ANO8: variants seen among roughly 807,000 people sequenced by gnomAD.
ANO8 encodes anoctamin-8.
Under a neutral mutation model 120.4 loss-of-function variants are expected in ANO8, and 67 were observed. The ratio of observed to expected loss-of-function variants is 0.56; its 90% CI spans 0.46 to 0.68. The LOEUF is 0.68. Ranked by LOEUF, ANO8 falls within the 30% of genes least tolerant of loss-of-function variation. ANO8 has a pLI of 0.00. For synonymous variants in ANO8, 727 were observed against 759.2 expected (o/e 0.96, Z 0.70); for missense variants, 1,526 against 1,737.6 (o/e 0.88, Z 2.16).
chr19:17,330,770 C>G (rs1241277012), intron 8 of ANO8, 58 bp downstream of exon 8: 14 of 1,557,034 alleles, frequency 9.0e-6, no homozygotes, highest in Non-Finnish European at 1.2e-5. Flanking sequence ...TCCTGCAGTG[C>G]CCCCCACCAT....
In ANO8 at chr19:17,333,538, G is replaced by A; in HGVS notation, c.234C>T (p.His78=). 1 of 1,612,858 alleles carries A rather than the reference G, an allele frequency of 6.2e-7. No homozygotes were observed. The highest frequency in any genetic ancestry group is 1.3e-5 in the African/African-American group (1 of 75,064). Residue 78 remains histidine, a synonymous_variant, in exon 3 of 18, where the codon CAC becomes CAT. Coordinates refer to ENST00000159087, the MANE Select transcript of ANO8 (RefSeq NM_020959.3). The surrounding 1 kb of genome is among the most constrained non-coding windows in gnomAD (Gnocchi z 7.2). ...LMTFPDTTDD[H]TLLWLLNHIR... The stretch of plus-strand genomic sequence containing the variant: ...TGTGGTTCAGCAGCCATAGCAGCGT[G>A]TGGTCATCGGTCGTGTCTGCCAAGG...
Position 17,323,414 on chromosome 19 carries a change from C to T in ANO8, c.*103G>A, listed in dbSNP as rs2074250657. ...GGCAGATGGGGGGCACCGACCAATA[C>T]TGGGGGCCCTCGGGGGCTGAAGCGC... On this transcript the variant is annotated 3_prime_UTR_variant, in exon 18 of 18. Transcript: ENST00000159087. 1 of 1,206,360 alleles carries T rather than the reference C, an allele frequency of 8.3e-7. No individual in the cohort carries two copies. The highest frequency in any genetic ancestry group is 3.4e-5 in the South Asian group (1 of 29,182). The allele number at this position is 1,206,360 out of a possible 1,614,324, so 74.7% of individuals were successfully genotyped here. A position where few individuals can be genotyped will look rare whatever the true frequency, so the allele number is the denominator to read the frequency against.
chr19:17,331,688 C>G (rs1325606581), intron 5 of ANO8, among the ~76,000 whole-genome samples: 1 of 151,606 alleles, frequency 6.6e-6, no homozygotes, highest in Admixed American at 6.6e-5. Flanking sequence ...ACTCTGTCGC[C>G]CAGGCTGGAG....
intron 17 of ANO8, 89 bp downstream of exon 17, chr19:17,324,628 C>T (rs2074260455): frequency 6.0e-6 from 9 of 1,495,182 alleles, no homozygotes; most frequent in Non-Finnish European, 6.2e-6. Context: ...CTTCCCCTGT[C>T]CCCTTCAGCC....
Position 17,325,236 on chromosome 19 carries a change from C to G in ANO8, c.2812G>C (p.Asp938His). Residue 938 changes from aspartate to histidine, a missense_variant, in exon 17 of 18, where the codon GAC becomes CAC. By Grantham distance (81) the Asp-to-His change is moderately conservative. This residue lies in a region of ANO8 where 489 missense variants were observed against 548.6 expected (regional missense o/e 0.89). Transcript: ENST00000159087. The part of the protein sequence containing the change: ...EEARAEGSGL[D>H]PATSSEKASA... ...GCCTTCTCGGAGGAGGTGGCAGGGT[C>G]CAGCCCAGAGCCCTCGGCCCTCGCC... 2 of 1,611,024 alleles carry G rather than the reference C, an allele frequency of 1.2e-6. No homozygotes were observed. Among genetic ancestry groups the G allele is most frequent in the Non-Finnish European group, 1.7e-6 (2 of 1,179,812 alleles).
chr19:17,327,418 G>A lies in ANO8; in HGVS notation c.2550+20C>T, dbSNP rs748802558. 1.2e-5 allele frequency: 19 copies of A among 1,588,326 alleles called. No individual in the cohort carries two copies. The Admixed American group carries it at 2.0e-4, about 16-fold the overall frequency. On this transcript the variant is annotated intron_variant, in intron 15 of 17. Coordinates refer to ENST00000159087, the MANE Select transcript of ANO8 (RefSeq NM_020959.3). The stretch of plus-strand genomic sequence containing the variant: ...GCCCTCTCGCCTCCCAGCTGCCCCC[G>A]CCCCTGTCGCCGGCCCCACCTCGAG...
At position 17,327,773 on chromosome 19, in the gene ANO8, A is replaced by G; in HGVS notation, c.2334T>C (p.Ile778=). The G allele has an allele frequency of 6.2e-7, 1 of 1,614,154 alleles. No homozygotes were observed. The highest frequency in any genetic ancestry group is 8.5e-7 in the Non-Finnish European group (1 of 1,180,014). The part of the protein sequence containing the change: ...AALCALVNNL[I]EIRSDAFKLC... ...GCTTGAAGGCGTCGCTGCGGATCTC[A>G]ATGAGGTTGTTGACCAGGGCGCACA... Residue 778 remains isoleucine, a synonymous_variant, in exon 14 of 18, where the codon ATT becomes ATC. Transcript: ENST00000159087.
rs768183492 is a variant in ANO8, at chr19:17,329,706, C to T, written c.1404+51G>A. 1.0e-5 allele frequency: 15 copies of T among 1,504,356 alleles called. No individual in the cohort carries two copies. In the South Asian group the frequency reaches 1.5e-4, roughly 15 times the overall value. The allele number at this position is 1,504,356 out of a possible 1,614,324, so 93.2% of individuals were successfully genotyped here. On this transcript the variant is annotated intron_variant, in intron 12 of 17. Coordinates refer to ENST00000159087, the MANE Select transcript of ANO8 (RefSeq NM_020959.3). ...ACCCCTTGTGCCGGGTCTGGCCCCTCGCTGGCCGCCATGGGGGCAGGGGGG... is the reference window on the plus strand; with the variant it reads ...ACCCCTTGTGCCGGGTCTGGCCCCTTGCTGGCCGCCATGGGGGCAGGGGGG...
Position 17,334,607 on chromosome 19 carries a change from G to T in ANO8, c.64C>A (p.Pro22Thr). 1 of 1,539,164 alleles carries T rather than the reference G, an allele frequency of 6.5e-7. No individual in the cohort carries two copies. Among genetic ancestry groups the T allele is most frequent in the East Asian group, 2.6e-5 (1 of 38,654 alleles). The part of the protein sequence containing the change: ...SLEGERGKRP[P>T]PEGEPAAPAS... Reference sequence around the variant, plus strand: ...GGGGCTGCAGGCTCGCCCTCCGGCGGGGGCCTCTTGCCACGCTCGCCCTCC... The same window carrying T: ...GGGGCTGCAGGCTCGCCCTCCGGCGTGGGCCTCTTGCCACGCTCGCCCTCC... Residue 22 changes from proline to threonine, a missense_variant, in exon 1 of 18, where the codon CCG (proline) becomes ACG (threonine). Pro to Thr is a conservative substitution (Grantham distance 38). This residue lies in a region of ANO8 where 53 missense variants were observed against 45.0 expected (regional missense o/e 1.18). Coordinates refer to ENST00000159087, the MANE Select transcript of ANO8 (RefSeq NM_020959.3).
At chr19:17,334,389 C>T (rs1030724507) in intron 1 of ANO8, among the ~76,000 whole-genome samples, 176 bp downstream of exon 1, 31 of 152,308 alleles carry the variant, frequency 2.0e-4, no homozygotes, top group African/African-American at 7.2e-4. Flanking sequence ...GGGACCCCAG[C>T]CCGAAGCACC....
chr19:17,328,016 T>C lies in ANO8; in HGVS notation c.2227-136A>G, dbSNP rs1013484605. The C allele has an allele frequency of 1.2e-5, 16 of 1,381,404 alleles. No homozygotes were observed. In the East Asian group the frequency reaches 2.5e-4, roughly 21 times the overall value. 85.6% of individuals were successfully genotyped at this position (1,381,404 alleles called of 1,614,324 possible). The stretch of plus-strand genomic sequence containing the variant: ...CCTCAGCCAGCCCAGAGGCTTCCTG[T>C]ATCTGGCTAGGCCTTCCTCTCCTGC... On this transcript the variant is annotated intron_variant, in intron 13 of 17. Transcript: ENST00000159087.
Position 17,325,531 on chromosome 19 carries a change from A to G in ANO8, c.2662-145T>C, listed in dbSNP as rs774610197. The G allele has an allele frequency of 1.8e-5, 22 of 1,219,250 alleles. 1 individual carries two copies. Among genetic ancestry groups the G allele is most frequent in the Non-Finnish European group, 2.1e-5 (19 of 906,318 alleles). The allele number at this position is 1,219,250 out of a possible 1,614,324, so 75.5% of individuals were successfully genotyped here. ...CTCCAACTGTATCCCTGCACCCACA[A>G]TGGGGGCTCCCTGCAGAAGTGGGAG... On this transcript the variant is annotated intron_variant, in intron 16 of 17. Coordinates refer to ENST00000159087, the MANE Select transcript of ANO8 (RefSeq NM_020959.3).
chr19:17,334,420 G>A, intron 1 of ANO8, 145 bp downstream of exon 1: 2 of 747,582 alleles, frequency 2.7e-6, no homozygotes, highest in East Asian at 6.8e-5. Context: ...CGCCCGCCGG[G>A]CCGCAGCCGC....
At position 17,334,620 on chromosome 19, in the gene ANO8, A is replaced by C. The variant is rs1476546524; in HGVS notation, c.51T>G (p.Arg17=). Residue 17 remains arginine, a synonymous_variant, in exon 1 of 18, where the codon CGT becomes CGG. Transcript: ENST00000159087. ...GAGGTSLEGE[R]GKRPPPEGEP... is the part of the protein sequence containing the mutation. The stretch of plus-strand genomic sequence containing the variant: ...CGCCCTCCGGCGGGGGCCTCTTGCC[A>C]CGCTCGCCCTCCAGGGACGTGCCCC... The C allele has an allele frequency of 6.6e-7, 1 of 1,525,730 alleles. No individual in the cohort carries two copies. The highest frequency in any genetic ancestry group is 1.4e-5 in the African/African-American group (1 of 69,860). 94.5% of individuals were successfully genotyped at this position (1,525,730 alleles called of 1,614,324 possible). A position where few individuals can be genotyped will look rare whatever the true frequency, so the allele number is the denominator to read the frequency against.
At chr19:17,331,931 C>CCTTA (rs1568362052) in intron 5 of ANO8, among the ~76,000 whole-genome samples, 134 of 78,536 alleles carry the variant, frequency 1.7e-3, no homozygotes, top group Middle Eastern at 0.011. Context: ...CCGCGCCCGG[C>CCTTA]TTTTTTTTTT....
chr19:17,332,818 C>A, intron 5 of ANO8, 112 bp downstream of exon 5: 1 of 1,236,688 alleles, frequency 8.1e-7, no homozygotes, highest in South Asian at 1.3e-5. Flanking sequence ...TAACTCTTTG[C>A]CAACCCCTGA....
intron 9 of ANO8, 39 bp from the exon 10 acceptor site, chr19:17,330,290 G>C: frequency 1.9e-6 from 3 of 1,613,700 alleles, no homozygotes; most frequent in Non-Finnish European, 2.5e-6. Context: ...CCCAGCTGCA[G>C]GGCTCAGCCC....
Position 17,328,554 on chromosome 19 carries a change from GCCCGCAGTCCAGGAGGCC to G in ANO8, c.1816_1833del (p.Gly606_Gly611del), listed in dbSNP as rs1568360039. 6.5e-7 allele frequency: 1 copy of G among 1,548,606 alleles called. No homozygotes were observed. The highest frequency in any genetic ancestry group is 8.7e-7 in the Non-Finnish European group (1 of 1,147,350). On this transcript the variant is annotated inframe_deletion, in exon 13 of 18. Transcript: ENST00000159087. ...GCGAAGCTGACCTTCTTCAGCCGGA[GCCCGCAGTCCAGGAGGCC>G]CCCTTCCTCGCCCTCCTCCTCGTCC...
rs931751415 is a variant in ANO8 at position 17,323,388 on chromosome 19, C to T, written c.*129G>A. The T allele has an allele frequency of 3.6e-6, 3 of 844,840 alleles. No individual in the cohort carries two copies. Among genetic ancestry groups the T allele is most frequent in the Non-Finnish European group, 3.2e-6 (2 of 622,322 alleles). The allele number at this position is 844,840 out of a possible 1,614,324, so 52.3% of individuals were successfully genotyped here. On this transcript the variant is annotated 3_prime_UTR_variant, in exon 18 of 18. Coordinates refer to ENST00000159087, the MANE Select transcript of ANO8 (RefSeq NM_020959.3). The stretch of plus-strand genomic sequence containing the variant: ...GTTTCCTTTCGTTTGGAAAGGAAAA[C>T]GGCAGATGGGGGGCACCGACCAATA...
Sources: allele counts gnomAD v4.1 joint callset (sites outside exome capture counted in the v4.1 genomes callset), GRCh38; gene constraint gnomAD v4.1.1; regional missense constraint gnomAD v4.1.1; non-coding constraint Gnocchi (gnomAD v3.1); transcripts MANE v1.5; gene names NCBI Gene and HGNC (gene_info 2026-07-23, HGNC 2026-07-21).